IKBIP: variants seen among roughly 807,000 people sequenced by gnomAD.
The protein encoded by IKBIP is inhibitor of nuclear factor kappa-B kinase-interacting protein.
IKBIP carries 28 observed loss-of-function variants against 31.0 expected under a neutral mutation model. The observed-to-expected ratio is 0.90, with a 90% CI of 0.67 to 1.24. The LOEUF is 1.24. Among genes scored for constraint, IKBIP ranks in the 50% most tolerant of loss-of-function variants. IKBIP has a pLI of 0.00. For synonymous variants in IKBIP, 164 were observed against 160.3 expected, an observed-to-expected ratio of 1.02 and a Z score of -0.17; for missense variants, 453 against 441.9, an observed-to-expected ratio of 1.03 and a Z score of -0.23.
At chr12:98,633,641 C>A (rs11833446) in intron 2 of IKBIP, among the ~76,000 whole-genome samples, 4,277 of 151,348 alleles carry the variant, frequency 0.028, 196 homozygotes, top group African/African-American at 0.099. Flanking sequence ...CTCAGCCCCC[C>A]GAGTAGCTGG....
At chr12:98,613,815 T>C in exon 3 of IKBIP, 1 of 1,610,456 alleles carries the variant, frequency 6.2e-7, no homozygotes, top group Non-Finnish European at 8.5e-7. Context: ...TTTGCAAAAG[T>C]CACTGTCTTC....
At chr12:98,635,851 T>C (rs2097625310) in intron 1 of IKBIP, among the ~76,000 whole-genome samples, 1 of 152,196 alleles carries the variant, frequency 6.6e-6, no homozygotes, top group African/African-American at 2.4e-5. Flanking sequence ...TCACAATCAG[T>C]GCAGAGTGTA....
chr12:98,623,947 T>C (rs534132524), downstream of IKBIP, among the ~76,000 whole-genome samples: 393 of 151,226 alleles, frequency 2.6e-3, 7 homozygotes, highest in Non-Finnish European at 4.4e-3. Context: ...TCTTCATAAA[T>C]ACAGGATATA....
At chr12:98,635,759 AG>A (rs2097625241) in intron 1 of IKBIP, among the ~76,000 whole-genome samples, 1 of 152,246 alleles carries the variant, frequency 6.6e-6, no homozygotes, top group Non-Finnish European at 1.5e-5. Context: ...GAGAAGTGAT[AG>A]TAATTAGAAG....
intron 2 of IKBIP, among the ~76,000 whole-genome samples, chr12:98,618,643 T>C (rs1234832959): frequency 7.7e-6 from 1 of 130,458 alleles, no homozygotes; most frequent in Non-Finnish European, 1.7e-5. Context: ...AAAAAAAAAA[T>C]TTGAGATGGG....
chr12:98,614,165 T>C (rs759900941), exon 3 of IKBIP: 1 of 1,613,832 alleles, frequency 6.2e-7, no homozygotes, highest in Admixed American at 1.7e-5. Context: ...TGTACTTTGG[T>C]CTACTTTTGT....
intron 2 of IKBIP, among the ~76,000 whole-genome samples, chr12:98,616,692 T>A (rs2097606468): frequency 6.6e-6 from 1 of 152,228 alleles, no homozygotes; most frequent in African/African-American, 2.4e-5. Flanking sequence ...CCAGTTTCAT[T>A]CTTCTGCATA....
intron 2 of IKBIP, among the ~76,000 whole-genome samples, chr12:98,633,510 CTTTTTTTTTTTTT>C (rs71432181): frequency 4.9e-5 from 3 of 61,374 alleles, no homozygotes; most frequent in African/African-American, 2.0e-4. Context: ...TTTTTTAATT[CTTTTTTTTTTTTT>C]TTTTTTTTTT....
At chr12:98,634,855 G>A (rs1371995992) in intron 1 of IKBIP, among the ~76,000 whole-genome samples, 5 of 150,636 alleles carry the variant, frequency 3.3e-5, no homozygotes, top group South Asian at 4.2e-4. Flanking sequence ...GACTACAGGC[G>A]CCTGCCACCA....
intron 2 of IKBIP, among the ~76,000 whole-genome samples, chr12:98,616,989 T>G (rs986788155): frequency 1.3e-5 from 2 of 152,366 alleles, no homozygotes; most frequent in South Asian, 2.1e-4. Flanking sequence ...AAATAAGTTA[T>G]AGCAAATGCT....
At chr12:98,628,753 C>T (rs2097617141) in intron 2 of IKBIP, among the ~76,000 whole-genome samples, 1 of 152,174 alleles carries the variant, frequency 6.6e-6, no homozygotes, top group African/African-American at 2.4e-5. Context: ...TCTTCCACAT[C>T]ATATATTCTA....
chr12:98,628,359 C>T (rs76535310), intron 2 of IKBIP, among the ~76,000 whole-genome samples: 2 of 152,232 alleles, frequency 1.3e-5, no homozygotes, highest in African/African-American at 4.8e-5. Flanking sequence ...TACTACTAGA[C>T]TAAGCTTTTA....
intron 2 of IKBIP, among the ~76,000 whole-genome samples, chr12:98,616,312 C>T (rs1592986833): frequency 6.6e-6 from 1 of 151,958 alleles, no homozygotes; most frequent in African/African-American, 2.4e-5. Flanking sequence ...AATGTCTATT[C>T]ATGTCCATAG....
intron 2 of IKBIP, among the ~76,000 whole-genome samples, chr12:98,618,606 A>G (rs1340115832): frequency 3.4e-5 from 5 of 149,238 alleles, no homozygotes; most frequent in Non-Finnish European, 7.4e-5. Context: ...AGCCTGGGCG[A>G]CAGAGCCAGA....
intron 2 of IKBIP, among the ~76,000 whole-genome samples, chr12:98,618,092 C>T (rs917774915): frequency 2.0e-5 from 3 of 152,010 alleles, no homozygotes; most frequent in Non-Finnish European, 4.4e-5. Flanking sequence ...AAGCTTGAGT[C>T]CAGGAGTTTG....
chr12:98,616,535 A>G (rs2153293532), intron 2 of IKBIP, among the ~76,000 whole-genome samples: 1 of 152,158 alleles, frequency 6.6e-6, no homozygotes. Context: ...TGTTCTTTTC[A>G]GGTTCTATTC....
rs78874779 is a variant in IKBIP, at chr12:98,642,566, A to G, written c.179+1957T>C. ...ATTCCTTTCAGATCAAAATTAACAT[A>G]TTCCGTATTAGTAAAATAAATAATG... On this transcript the variant is annotated intron_variant, in intron 1 of 2. Transcript: ENST00000299157. 3.1e-3 allele frequency among the ~76,000 whole-genome samples: 453 copies of G among 146,770 alleles called. 4 individuals are homozygous for G. The highest frequency in any genetic ancestry group is 0.011 in the African/African-American group (429 of 39,712).
Position 98,625,203 on chromosome 12 carries a change from T to C in IKBIP, c.*727A>G, listed in dbSNP as rs1215713046. 1 of 981,220 alleles carries C rather than the reference T, an allele frequency of 1.0e-6. No homozygotes were observed. The highest frequency in any genetic ancestry group is 1.2e-6 in the Non-Finnish European group (1 of 826,174). 60.8% of individuals were successfully genotyped at this position (981,220 alleles called of 1,614,324 possible). ...TATATAAAGATATTTCAAAGATTTATATACACATAATTCCTAAGAAAGGCC... is the reference window on the plus strand; with the variant it reads ...TATATAAAGATATTTCAAAGATTTACATACACATAATTCCTAAGAAAGGCC... On this transcript the variant is annotated 3_prime_UTR_variant, in exon 3 of 3. Coordinates refer to ENST00000299157, the MANE Select transcript of IKBIP (RefSeq NM_153687.4).
chr12:98,613,582 A>AAAC (rs1334413008), exon 3 of IKBIP: 1 of 1,441,070 alleles, frequency 6.9e-7, no homozygotes, highest in East Asian at 2.3e-5. Flanking sequence ...CAATAATGTC[A>AAAC]AACTAATTCA....
Sources: allele counts gnomAD v4.1 joint callset (sites outside exome capture counted in the v4.1 genomes callset), GRCh38; gene constraint gnomAD v4.1.1; transcripts MANE v1.5; gene names NCBI Gene and HGNC (gene_info 2026-07-23, HGNC 2026-07-21).